Variants in IPO11 observed in about 807,000 individuals in gnomAD.
IPO11 encodes the protein importin 11, also known as importin-11.
In IPO11, 66 loss-of-function variants were observed where a neutral mutation model predicts 143.2. That is an observed-to-expected ratio of 0.46 (90% CI 0.38 to 0.57). The LOEUF (loss-of-function observed/expected upper bound fraction) is 0.57, where lower values mean the gene tolerates loss of function less well. IPO11 is among the 20% of genes least tolerant of loss of function. The probability of loss-of-function intolerance (pLI) is 0.00; values close to 1 mark genes in which losing one functional copy is unlikely to be tolerated. For synonymous variants in IPO11, 385 were observed against 377.8 expected, an observed-to-expected ratio of 1.02 and a Z score of -0.22; for missense variants, 1,026 against 1,141.0, an observed-to-expected ratio of 0.90 and a Z score of 1.45.
chr5:62,461,222 G>C (rs1479454581), intron 5 of IPO11, among the ~76,000 whole-genome samples: 1 of 152,136 alleles, frequency 6.6e-6, no homozygotes. Context: ...GGGATGGAAA[G>C]GGTGGGAGGT....
In IPO11 at chr5:62,586,771, AT is replaced by A. The variant is rs1561375312; in HGVS notation, c.2583-4805del. On this transcript the variant is annotated intron_variant, in intron 27 of 29. Coordinates refer to ENST00000325324, the MANE Select transcript of IPO11 (RefSeq NM_016338.5). The stretch of plus-strand genomic sequence containing the variant: ...AGTCTCCAAAAAAAAAAAAAAAAAT[AT>A]ATATATATATATATATATATATATA... Among the ~76,000 whole-genome samples the A allele has an allele frequency of 1.6e-3, 98 of 59,610 alleles. 1 individual carries two copies. The highest frequency in any genetic ancestry group is 7.5e-3 in the African/African-American group (89 of 11,942). 39.1% of individuals were successfully genotyped at this position (59,610 alleles called of 152,430 possible).
chr5:62,598,381 TTGCTTGC>T (rs1745307377), intron 28 of IPO11, among the ~76,000 whole-genome samples: 1 of 45,300 alleles, frequency 2.2e-5, no homozygotes, highest in Admixed American at 2.3e-4. Flanking sequence ...AATTGTTTGC[TTGCTTGC>T]TTGCTTTCTT....
intron 29 of IPO11, among the ~76,000 whole-genome samples, chr5:62,623,736 TC>T: frequency 6.7e-6 from 1 of 148,422 alleles, no homozygotes; most frequent in Non-Finnish European, 1.5e-5. Context: ...AGTCTCCGCC[TC>T]CCGAGTAGCT....
At position 62,470,286 on chromosome 5, in the gene IPO11, C is replaced by T; in HGVS notation, c.686C>T (p.Pro229Leu). ...TTAACTGTTAATGGATTTGTGGAAC[C>T]TCATAAGAATATGGAGGTGATGGTA... is the stretch of plus-strand genomic sequence containing the variant. ...RKLTVNGFVE[P>L]HKNMEVMGFL... The change falls in exon 7 of 30, where the codon CCT becomes CTT. Residue 229 changes from proline to leucine, a missense_variant. Pro to Leu is a moderately conservative substitution (Grantham distance 98, BLOSUM62 -3). Around this residue, in one of 5 missense-constraint regions of IPO11, gnomAD observed 429 missense variants for 456.3 expected, o/e 0.94. Transcript: ENST00000325324. 1 of 1,613,720 alleles carries T rather than the reference C, an allele frequency of 6.2e-7. No homozygotes were observed.
chr5:62,556,423 A>T (rs1278251760), intron 26 of IPO11, among the ~76,000 whole-genome samples: 2 of 152,210 alleles, frequency 1.3e-5, no homozygotes, highest in Non-Finnish European at 2.9e-5. Context: ...CTGCTTGGTA[A>T]CTTTGAAAGC....
chr5:62,555,679 A>G (rs984349058), intron 26 of IPO11, among the ~76,000 whole-genome samples: 1 of 151,800 alleles, frequency 6.6e-6, no homozygotes, highest in Non-Finnish European at 1.5e-5. Context: ...AATTTGTTGT[A>G]TTTTTAGTAG....
At chr5:62,416,991 C>T (rs1743315942) in intron 1 of IPO11, among the ~76,000 whole-genome samples, 1 of 152,100 alleles carries the variant, frequency 6.6e-6, no homozygotes, top group East Asian at 1.9e-4. Context: ...CCTTGGCCTC[C>T]TGAAGTGTAT....
intron 24 of IPO11, among the ~76,000 whole-genome samples, chr5:62,539,678 T>C (rs16890823): frequency 0.017 from 2,570 of 152,326 alleles, 69 homozygotes; most frequent in African/African-American, 0.059. Flanking sequence ...ACATTTATTA[T>C]TAATTTCAAA....
chr5:62,490,940 A>G (rs930598485), intron 15 of IPO11, among the ~76,000 whole-genome samples: 2 of 152,148 alleles, frequency 1.3e-5, no homozygotes, highest in African/African-American at 2.4e-5. Flanking sequence ...CTTACGTTTT[A>G]TATACATTTA....
intron 24 of IPO11, among the ~76,000 whole-genome samples, chr5:62,544,079 G>C (rs1371767594): frequency 6.6e-6 from 1 of 152,072 alleles, no homozygotes; most frequent in South Asian, 2.1e-4. Context: ...TAGAAAAAGA[G>C]GGAATCCTCC....
chr5:62,515,505 A>G lies in IPO11; in HGVS notation c.1896+4A>G, dbSNP rs148673126. ...AACACTTATTCATCTTGTTCAGGTA[A>G]GTCACTTCTCCACAGAGTTTTTTTA... On this transcript the variant is annotated splice_donor_region_variant and intron_variant, in intron 20 of 29. Transcript: ENST00000325324. 112 of 1,571,150 alleles carry G rather than the reference A, an allele frequency of 7.1e-5. No homozygotes were observed. The African/African-American group carries it at 1.4e-3, about 19-fold the overall frequency.
chr5:62,422,603 A>G (rs1190616423), intron 1 of IPO11: 7 of 152,194 alleles, frequency 4.6e-5, no homozygotes, highest in African/African-American at 1.7e-4. Context: ...GATAATGTAT[A>G]ACTTTTCTTA....
intron 13 of IPO11, among the ~76,000 whole-genome samples, chr5:62,488,633 T>A (rs945432344): frequency 6.6e-5 from 10 of 152,326 alleles, no homozygotes; most frequent in African/African-American, 2.4e-4. Flanking sequence ...GATTTTCACC[T>A]ATAGGGATAT....
intron 12 of IPO11, among the ~76,000 whole-genome samples, chr5:62,487,314 T>G (rs1383573677): frequency 6.6e-6 from 1 of 152,072 alleles, no homozygotes; most frequent in East Asian, 1.9e-4. Flanking sequence ...GGGAATCGCT[T>G]GAACCTGGGA....
At chr5:62,586,991 T>C (rs1561375434) in intron 27 of IPO11, among the ~76,000 whole-genome samples, 1 of 151,428 alleles carries the variant, frequency 6.6e-6, no homozygotes, top group Admixed American at 6.6e-5. Context: ...TTTTTTTTTT[T>C]CCAGACAGTT....
intron 29 of IPO11, among the ~76,000 whole-genome samples, chr5:62,614,015 C>T (rs1233444931): frequency 6.6e-6 from 1 of 152,212 alleles, no homozygotes; most frequent in East Asian, 1.9e-4. Context: ...CTATGACAGA[C>T]TTTAAAACAG....
chr5:62,577,932 A>G (rs1056343617), intron 27 of IPO11, among the ~76,000 whole-genome samples: 1 of 152,110 alleles, frequency 6.6e-6, no homozygotes, highest in African/African-American at 2.4e-5. Context: ...TTAAGCAACT[A>G]GCTTAAAGTT....
intron 16 of IPO11, among the ~76,000 whole-genome samples, chr5:62,494,565 C>T (rs558492754): frequency 6.6e-6 from 1 of 151,826 alleles, no homozygotes; most frequent in East Asian, 1.9e-4. Context: ...TTATGGTATT[C>T]ATATATTATT....
intron 16 of IPO11, among the ~76,000 whole-genome samples, chr5:62,499,143 A>C (rs989426711): frequency 2.0e-5 from 3 of 152,180 alleles, no homozygotes; most frequent in Admixed American, 6.5e-5. Context: ...GTATATTCCG[A>C]GAAATGCGTC....
Sources: allele counts gnomAD v4.1 joint callset (sites outside exome capture counted in the v4.1 genomes callset), GRCh38; gene constraint gnomAD v4.1.1; regional missense constraint gnomAD v4.1.1; transcripts MANE v1.5; gene names NCBI Gene and HGNC (gene_info 2026-07-23, HGNC 2026-07-21).